The following TUBGCP5 variants were observed in gnomAD, a reference collection of about 807,000 sequenced individuals.
TUBGCP5 encodes the protein tubulin gamma complex component 5.
A neutral mutation model predicts 134.7 loss-of-function variants in TUBGCP5; 98 were observed. The observed-to-expected ratio is 0.73, with a 90% confidence interval of 0.62 to 0.86. The LOEUF (loss-of-function observed/expected upper bound fraction) is 0.86, where lower values mean the gene tolerates loss of function less well. TUBGCP5 is among the 40% of genes least tolerant of loss of function. The probability of loss-of-function intolerance (pLI) is 0.00; values close to 1 mark genes in which losing one functional copy is unlikely to be tolerated. For missense variants in TUBGCP5, 1,150 were observed against 1,244.8 expected, an observed-to-expected ratio of 0.92 and a Z score of 1.15; for synonymous variants, 456 against 431.4, an observed-to-expected ratio of 1.06 and a Z score of -0.71.
chr15:23,006,088 A>G lies in TUBGCP5; in HGVS notation c.2497T>C (p.Trp833Arg). 1 of 1,611,190 alleles carries G rather than the reference A, an allele frequency of 6.2e-7. No individual in the cohort carries two copies. Among genetic ancestry groups the G allele is most frequent in the Non-Finnish European group, 8.5e-7 (1 of 1,179,458 alleles). Residue 833 changes from tryptophan to arginine, a missense_variant, in exon 18 of 23, where the codon TGG (tryptophan) becomes CGG (arginine). Coordinates refer to ENST00000615383, the MANE Select transcript of TUBGCP5 (RefSeq NM_052903.6). ...QVFLLLLQIK[W>R]AKYSLDVLLF... ...AAAACATCCAGACTATATTTTGCCC[A>G]CTTTATTTGCAATAAGAGAAGAAAC...
chr15:22,993,356 C>T (rs1379824504), intron 23 of TUBGCP5, among the ~76,000 whole-genome samples: 1 of 151,224 alleles, frequency 6.6e-6, no homozygotes, highest in Admixed American at 6.6e-5. Flanking sequence ...CCTCTGCCTC[C>T]CAAAGTGCTG....
At chr15:23,039,134 C>T (rs1595922821) in intron 1 of TUBGCP5, among the ~76,000 whole-genome samples, 1 of 152,058 alleles carries the variant, frequency 6.6e-6, no homozygotes, top group Non-Finnish European at 1.5e-5. Context: ...GCGCGCGCGC[C>T]GGCCGGCAAG....
At chr15:23,005,102 G>C (rs1240726048) in intron 19 of TUBGCP5, among the ~76,000 whole-genome samples, 2 of 152,064 alleles carry the variant, frequency 1.3e-5, no homozygotes, top group Non-Finnish European at 2.9e-5. Flanking sequence ...TTAAACATTG[G>C]AGCCATTTTT....
chr15:22,999,512 C>T lies in TUBGCP5; in HGVS notation c.*308G>A, dbSNP rs1185939697. 1.6e-5 allele frequency: 5 copies of T among 319,078 alleles called. No individual in the cohort carries two copies. Among genetic ancestry groups the T allele is most frequent in the African/African-American group, 1.1e-4 (5 of 47,364 alleles). The allele number at this position is 319,078 out of a possible 1,614,324, so 19.8% of individuals were successfully genotyped here. ...ACCTCCTGGGCTCAAGTAATCCTCC[C>T]ATCTTTGCCTCCTGAGTAGCTGGGA... On this transcript the variant is annotated 3_prime_UTR_variant, in exon 23 of 23. Transcript: ENST00000615383.
chr15:23,032,447 T>G (rs1299830060), intron 4 of TUBGCP5, among the ~76,000 whole-genome samples: 1 of 152,184 alleles, frequency 6.6e-6, no homozygotes, highest in Non-Finnish European at 1.5e-5. Context: ...ATGTAAATAG[T>G]TTTTTAAAAG....
In TUBGCP5 at chr15:23,031,072, C is replaced by G. The variant is rs998629382; in HGVS notation, c.487-52G>C. Reference sequence around the variant, plus strand: ...GCTTTACAGAGTATAACACTTAAAGCTATTTACATTAAAAGACTAAGAAAA... The same window carrying G: ...GCTTTACAGAGTATAACACTTAAAGGTATTTACATTAAAAGACTAAGAAAA... On this transcript the variant is annotated intron_variant, in intron 5 of 22. Coordinates refer to ENST00000615383, the MANE Select transcript of TUBGCP5 (RefSeq NM_052903.6). The G allele has an allele frequency of 2.7e-5, 40 of 1,484,594 alleles. No homozygotes were observed. The African/African-American group carries it at 4.8e-4, about 18-fold the overall frequency. The allele number at this position is 1,484,594 out of a possible 1,614,324, so 92.0% of individuals were successfully genotyped here.
At chr15:23,018,182 G>T in intron 12 of TUBGCP5, 141 bp from the exon 13 acceptor site, 1 of 737,182 alleles carries the variant, frequency 1.4e-6, no homozygotes, top group South Asian at 2.1e-5. Context: ...AAATGGGACA[G>T]TTTTAATCTC....
intron 10 of TUBGCP5, chr15:23,023,722 G>A (rs977551589): frequency 7.3e-6 from 3 of 409,614 alleles, no homozygotes; most frequent in East Asian, 1.0e-4. Flanking sequence ...GGGTACTGGT[G>A]CAGGAAGAAT....
Position 23,039,468 on chromosome 15 carries a change from C to T in TUBGCP5, c.76G>A (p.Val26Ile), listed in dbSNP as rs1567179688. 1.3e-6 allele frequency: 2 copies of T among 1,544,310 alleles called. No homozygotes were observed. Among genetic ancestry groups the T allele is most frequent in the South Asian group, 2.4e-5 (2 of 83,316 alleles). Residue 26 changes from valine (V) to isoleucine (I), a missense_variant, in exon 1 of 23, where the codon GTC (valine) becomes ATC (isoleucine). Physicochemically the swap from Val to Ile is conservative, Grantham distance 29. Transcript: ENST00000615383. ...TCTGCCTCGTCCTGGAGGCCGGCGA[C>T]ACCCCGGACGAGCTCCCGCACGTCG... ...ERDVRELVRG[V>I]AGLQDEADPN...
chr15:22,998,140 C>A (rs2140382780), downstream of TUBGCP5, among the ~76,000 whole-genome samples: 1 of 151,956 alleles, frequency 6.6e-6, no homozygotes, highest in East Asian at 2.0e-4. Context: ...CAAGGTGAAA[C>A]CCTGTCTCTA....
At chr15:22,998,681 C>T (rs1172868866), downstream of TUBGCP5, among the ~76,000 whole-genome samples, 1 of 151,818 alleles carries the variant, frequency 6.6e-6, no homozygotes, top group African/African-American at 2.4e-5. Flanking sequence ...GTGGTACAAT[C>T]TAGGCTCACC....
downstream of TUBGCP5, among the ~76,000 whole-genome samples, chr15:22,994,749 G>A (rs1167618036): frequency 6.6e-6 from 1 of 152,160 alleles, no homozygotes; most frequent in Non-Finnish European, 1.5e-5. Context: ...GTGATAAGTT[G>A]TTTAACATTG....
At chr15:23,025,020 G>T (rs1008910751) in intron 8 of TUBGCP5, among the ~76,000 whole-genome samples, 190 bp from the exon 9 acceptor site, 1 of 151,854 alleles carries the variant, frequency 6.6e-6, no homozygotes, top group Non-Finnish European at 1.5e-5. Context: ...TGCAGCCTCA[G>T]CCTCTCCAGC....
rs998545598 is a variant in TUBGCP5, at chr15:23,028,959, C to T, written c.623-1653G>A. Among the ~76,000 whole-genome samples, 5 of 152,150 alleles carry T rather than the reference C, an allele frequency of 3.3e-5. 1 individual carries two copies. Among genetic ancestry groups the T allele is most frequent in the Middle Eastern group, 6.8e-3 (2 of 294 alleles). On this transcript the variant is annotated intron_variant, in intron 6 of 22. Coordinates refer to ENST00000615383, the MANE Select transcript of TUBGCP5 (RefSeq NM_052903.6). Reference sequence around the variant, plus strand: ...GAATTCAGTAAAAATGCTGCATATACGGACAACTTACAGAAAGCAATATTA... The same window carrying T: ...GAATTCAGTAAAAATGCTGCATATATGGACAACTTACAGAAAGCAATATTA...
intron 23 of TUBGCP5, among the ~76,000 whole-genome samples, chr15:22,983,920 G>A (rs998148303): frequency 5.3e-5 from 8 of 151,866 alleles, no homozygotes; most frequent in Admixed American, 1.3e-4. Context: ...TCAGGGGTTC[G>A]AGACCAGCCT....
intron 12 of TUBGCP5, among the ~76,000 whole-genome samples, chr15:23,018,451 G>A (rs1349068980): frequency 6.6e-6 from 1 of 152,138 alleles, no homozygotes; most frequent in African/African-American, 2.4e-5. Flanking sequence ...AGAACAGTCA[G>A]AGTCCTATTT....
chr15:23,030,286 T>A (rs1242618685), intron 6 of TUBGCP5, among the ~76,000 whole-genome samples: 2 of 152,126 alleles, frequency 1.3e-5, no homozygotes, highest in Non-Finnish European at 2.9e-5. Context: ...TAAGACATAA[T>A]ACTACAAAGC....
intron 6 of TUBGCP5, among the ~76,000 whole-genome samples, chr15:23,030,276 T>A (rs1324983309): frequency 6.6e-6 from 1 of 152,118 alleles, no homozygotes; most frequent in African/African-American, 2.4e-5. Context: ...ATCTATGTAT[T>A]AAGACATAAT....
downstream of TUBGCP5, among the ~76,000 whole-genome samples, chr15:22,997,191 T>C (rs571024473): frequency 8.6e-5 from 13 of 151,802 alleles, no homozygotes; most frequent in Admixed American, 7.9e-4. Context: ...TTTTTTTTTT[T>C]CCTTTTGAGA....
Sources: gnomAD v4.1 joint callset for allele counts (sites outside exome capture counted in the v4.1 genomes callset) on GRCh38, gnomAD v4.1.1 for gene constraint, MANE v1.5 for transcripts, NCBI Gene and HGNC (gene_info 2026-07-23, HGNC 2026-07-21) for gene names.